The following STXBP4 variants were observed in gnomAD, a reference collection of about 807,000 sequenced individuals.
The protein encoded by STXBP4 is syntaxin binding protein 4.
In STXBP4, 55 loss-of-function variants were observed where a neutral mutation model predicts 76.1. The observed-to-expected ratio is 0.72, with a 90% CI of 0.58 to 0.91. STXBP4 has a LOEUF of 0.91. Among genes scored for constraint, STXBP4 ranks in the 40% least tolerant of loss-of-function variants. The pLI is 0.00. For synonymous variants in STXBP4, 201 were observed against 220.2 expected (o/e 0.91, Z 0.77); for missense variants, 618 against 636.9 (o/e 0.97, Z 0.32).
chr17:54,999,966 A>G, intron 6 of STXBP4, 124 bp downstream of exon 6: 3 of 829,966 alleles, frequency 3.6e-6, no homozygotes, highest in South Asian at 4.2e-5. Context: ...TATTTCTTTG[A>G]AAGATTTTTT....
intron 12 of STXBP4, among the ~76,000 whole-genome samples, chr17:55,050,109 A>G (rs774918605): frequency 5.9e-5 from 9 of 152,124 alleles, no homozygotes; most frequent in Non-Finnish European, 1.3e-4. Flanking sequence ...AGAAAAAATA[A>G]AACTGTCTTT....
At chr17:55,108,700 C>G (rs244369) in intron 16 of STXBP4, among the ~76,000 whole-genome samples, 56,740 of 151,994 alleles carry the variant, frequency 0.37, 11,268 homozygotes, top group East Asian at 0.54. Flanking sequence ...GTAAGGCGAC[C>G]ACCCACCCTG....
At chr17:55,030,493 A>G (rs2078488171) in intron 8 of STXBP4, among the ~76,000 whole-genome samples, 1 of 152,170 alleles carries the variant, frequency 6.6e-6, no homozygotes, top group South Asian at 2.1e-4. Context: ...GGGCTGGGAA[A>G]TGTCTTTTAG....
At chr17:55,128,083 G>A (rs980747237) in intron 16 of STXBP4, among the ~76,000 whole-genome samples, 2 of 152,126 alleles carry the variant, frequency 1.3e-5, no homozygotes, top group African/African-American at 2.4e-5. Flanking sequence ...TGAGTACAAA[G>A]ACCTCATAAC....
chr17:55,087,908 T>C (rs2079359434), intron 16 of STXBP4, among the ~76,000 whole-genome samples: 1 of 152,214 alleles, frequency 6.6e-6, no homozygotes, highest in South Asian at 2.1e-4. Flanking sequence ...GTTTATAGCC[T>C]CTTCAGTTTC....
intron 15 of STXBP4, 80 bp downstream of exon 15, chr17:55,078,815 A>G: frequency 1.2e-6 from 1 of 811,378 alleles, no homozygotes; most frequent in East Asian, 2.5e-5. Context: ...CAAATACTAA[A>G]AATCTCTTAA....
Position 55,043,314 on chromosome 17 carries a change from AAT to A in STXBP4, c.936_937del (p.Leu314Ter). On this transcript the variant is annotated frameshift_variant, in exon 11 of 18. Transcript: ENST00000376352. LOFTEE classifies it high-confidence loss of function. ...AAGAGATGATGCCTTGAAAGAAGTAAATACACTTAAGGTAACCTCTAATTTAG... is the reference window on the plus strand; with the variant it reads ...AAGAGATGATGCCTTGAAAGAAGTAAACACTTAAGGTAACCTCTAATTTAG... ...CERDDALKEVNTLKEKLLESD... is the reference protein window; with the variant it reads ...CERDDALKEVXTLKEKLLESD... 6.6e-7 allele frequency: 1 copy of A among 1,512,912 alleles called. No homozygotes were observed. Among genetic ancestry groups the A allele is most frequent in the Non-Finnish European group, 8.9e-7 (1 of 1,128,014 alleles). 93.7% of individuals were successfully genotyped at this position (1,512,912 alleles called of 1,614,324 possible). A position where few individuals can be genotyped will look rare whatever the true frequency, so the allele number is the denominator to read the frequency against.
intron 16 of STXBP4, among the ~76,000 whole-genome samples, chr17:55,097,423 G>T (rs561359393): frequency 6.6e-6 from 1 of 152,048 alleles, no homozygotes; most frequent in Non-Finnish European, 1.5e-5. Flanking sequence ...CAGCACTTTG[G>T]GGGGCCAAGG....
chr17:54,993,059 C>T (rs919217247), intron 4 of STXBP4, among the ~76,000 whole-genome samples: 1 of 152,018 alleles, frequency 6.6e-6, no homozygotes, highest in African/African-American at 2.4e-5. Flanking sequence ...TTGTTTGTTA[C>T]GATGAAAACT....
In STXBP4 at chr17:55,081,075, C is replaced by T; in HGVS notation, c.1381C>T (p.Gln461Ter). Residue 461 changes from glutamine (Q) to a stop codon, truncating the protein, a stop_gained, in exon 16 of 18, where the codon CAG (glutamine) becomes TAG (stop). Coordinates refer to ENST00000376352, the MANE Select transcript of STXBP4 (RefSeq NM_178509.6). LOFTEE classifies it high-confidence loss of function. ...LSERRAVLAS[Q>*]TSLTPLGRNG... Reference sequence around the variant, plus strand: ...TGAAAGAAGAGCTGTGTTAGCTTCTCAGACTTCCCTCACACCACTGGGAAG... The same window carrying T: ...TGAAAGAAGAGCTGTGTTAGCTTCTTAGACTTCCCTCACACCACTGGGAAG... The T allele has an allele frequency of 2.0e-6, 3 of 1,528,818 alleles. No individual in the cohort carries two copies. The highest frequency in any genetic ancestry group is 2.6e-6 in the Non-Finnish European group (3 of 1,145,548). 94.7% of individuals were successfully genotyped at this position (1,528,818 alleles called of 1,614,324 possible).
chr17:55,006,073 A>G (rs971211552), intron 7 of STXBP4, among the ~76,000 whole-genome samples: 37 of 152,132 alleles, frequency 2.4e-4, no homozygotes, highest in Admixed American at 5.9e-4. Flanking sequence ...ATAGCCAACA[A>G]TTAGGTATCA....
intron 4 of STXBP4, among the ~76,000 whole-genome samples, chr17:54,993,098 C>T (rs1006320391): frequency 1.3e-5 from 2 of 152,122 alleles, no homozygotes; most frequent in African/African-American, 2.4e-5. Flanking sequence ...AAGTTGATAG[C>T]GGTGGTGCTG....
At chr17:55,016,542 T>C (rs2078210702) in intron 8 of STXBP4, among the ~76,000 whole-genome samples, 1 of 152,212 alleles carries the variant, frequency 6.6e-6, no homozygotes, top group African/African-American at 2.4e-5. Context: ...TGCAAACAGC[T>C]CTCACGTTTG....
At chr17:55,189,685 CCT>C in the STXBP4 span, among the ~76,000 whole-genome samples, 1 of 152,150 alleles carries the variant, frequency 6.6e-6, no homozygotes, top group Non-Finnish European at 1.5e-5. Flanking sequence ...GAATATCAGT[CCT>C]CTCTGACATT....
At chr17:55,030,962 T>TG (rs2078497382) in intron 8 of STXBP4, 2 of 458,622 alleles carry the variant, frequency 4.4e-6, no homozygotes, top group Non-Finnish European at 7.9e-6. Context: ...GTGCTAGTCT[T>TG]GGGGAAAAAA....
chr17:55,090,664 T>C (rs1348273005), intron 16 of STXBP4, among the ~76,000 whole-genome samples: 1 of 152,124 alleles, frequency 6.6e-6, no homozygotes, highest in Non-Finnish European at 1.5e-5. Flanking sequence ...CTAGCTCTTA[T>C]AAACAAATGC....
In STXBP4 at chr17:55,074,727, C is replaced by T. The variant is rs543240248; in HGVS notation, c.1188+1651C>T. Among the ~76,000 whole-genome samples the T allele has an allele frequency of 2.8e-4, 42 of 152,008 alleles. No individual in the cohort carries two copies. In the South Asian group the frequency reaches 8.7e-3, roughly 32 times the overall value. On this transcript the variant is annotated intron_variant, in intron 13 of 17. Transcript: ENST00000376352. ...GTAATATAATTAATTCAGTTTTTCT[C>T]TCTTTTATCATAATCGGGTTCTCAT...
chr17:55,147,790 G>T (rs2080173828), intron 17 of STXBP4, among the ~76,000 whole-genome samples: 1 of 152,184 alleles, frequency 6.6e-6, no homozygotes, highest in East Asian at 1.9e-4. Flanking sequence ...ATCTCTGTCT[G>T]TTGATAATAG....
chr17:55,026,218 A>G (rs554947987), intron 8 of STXBP4, among the ~76,000 whole-genome samples: 1 of 152,362 alleles, frequency 6.6e-6, no homozygotes, highest in East Asian at 1.9e-4. Context: ...TGCAATCTTT[A>G]TCAAAATATC....
Sources: gnomAD v4.1 joint callset for allele counts (sites outside exome capture counted in the v4.1 genomes callset) on GRCh38, gnomAD v4.1.1 for gene constraint, MANE v1.5 for transcripts, NCBI Gene and HGNC (gene_info 2026-07-23, HGNC 2026-07-21) for gene names.